Variants in FREM1 observed in about 807,000 individuals in gnomAD.
FREM1 encodes the protein FRAS1 related extracellular matrix 1.
In FREM1, 220 loss-of-function variants were observed where a neutral mutation model predicts 210.1. That is an observed-to-expected ratio of 1.05 (90% CI 0.94 to 1.17). The LOEUF is 1.17. Ranked by LOEUF, FREM1 falls within the 50% of genes most tolerant of loss-of-function variation. The probability of loss-of-function intolerance (pLI) is 0.00; values close to 1 mark genes in which losing one functional copy is unlikely to be tolerated. For synonymous variants in FREM1, 1,189 were observed against 980.2 expected (o/e 1.21, Z -3.98); for missense variants, 3,454 against 2,675.5 (o/e 1.29, Z -6.42).
At chr9:14,851,668 G>A in intron 5 of FREM1, 61 bp from the exon 6 acceptor site, 1 of 1,221,440 alleles carries the variant, frequency 8.2e-7, no homozygotes. Context: ...ATATCATACA[G>A]GGCTAATAGC....
chr9:14,855,675 G>C (rs1015896945), intron 5 of FREM1, among the ~76,000 whole-genome samples: 3 of 151,600 alleles, frequency 2.0e-5, no homozygotes, highest in African/African-American at 7.3e-5. Flanking sequence ...TCTCTGCAGT[G>C]AGCCTATTAC....
At position 14,746,390 on chromosome 9, in the gene FREM1, C is replaced by A. The variant is rs373968346; in HGVS notation, c.6217G>T (p.Gly2073Cys). Residue 2073 changes from glycine to cysteine, a missense_variant, in exon 35 of 37, where the codon GGC becomes TGC. Gly to Cys is a radical substitution (Grantham distance 159). Transcript: ENST00000380880. ...GCTTGGGCAGCCGCATTCCAGGTGC[C>A]TTTCTGCTCTGTGATCAAGATGTGA... The part of the protein sequence containing the change: ...YCHILITEQK[G>C]TWNAAAQACR... 2 of 1,613,726 alleles carry A rather than the reference C, an allele frequency of 1.2e-6. No homozygotes were observed. The highest frequency in any genetic ancestry group is 2.7e-5 in the African/African-American group (2 of 74,928).
At chr9:14,867,745 G>A (rs1334727028) in intron 2 of FREM1, among the ~76,000 whole-genome samples, 1 of 152,120 alleles carries the variant, frequency 6.6e-6, no homozygotes, top group East Asian at 1.9e-4. Context: ...AAAGAGAATG[G>A]TCCATTTTTC....
Position 14,848,753 on chromosome 9 carries a change from G to A in FREM1, c.1173C>T (p.Asp391=), listed in dbSNP as rs575611616. Residue 391 remains aspartate, a synonymous_variant, in exon 7 of 37, where the codon GAC becomes GAT. Coordinates refer to ENST00000380880, the MANE Select transcript of FREM1 (RefSeq NM_001379081.2). ...TAGGTGCACTCCTTTCAAAGAAGAAGTCGTATACCTCCAATTCTACCTGTA... is the reference window on the plus strand; with the variant it reads ...TAGGTGCACTCCTTTCAAAGAAGAAATCGTATACCTCCAATTCTACCTGTA... ...RHDEVELEVY[D]FFFERSAPMT... is the part of the protein sequence containing the mutation. 9.3e-5 allele frequency: 150 copies of A among 1,610,632 alleles called. 2 individuals carry two copies. In the South Asian group the frequency reaches 1.5e-3, roughly 16 times the overall value.
chr9:14,759,720 C>A (rs1334017937), intron 28 of FREM1, 52 bp downstream of exon 28: 1 of 1,453,370 alleles, frequency 6.9e-7, no homozygotes, highest in Non-Finnish European at 9.2e-7. Context: ...ATGAAAGACA[C>A]CAAAGAACAA....
intron 2 of FREM1, among the ~76,000 whole-genome samples, chr9:14,865,018 C>T (rs909205950): frequency 2.6e-5 from 4 of 152,108 alleles, no homozygotes; most frequent in Admixed American, 6.5e-5. Context: ...TTATAAAAGG[C>T]GACAACCATA....
chr9:14,877,509 C>T (rs1833989907), intron 1 of FREM1, among the ~76,000 whole-genome samples: 2 of 151,406 alleles, frequency 1.3e-5, no homozygotes, highest in African/African-American at 4.9e-5. Flanking sequence ...CCAAAAGTTC[C>T]TTCCCCTTGA....
chr9:14,823,955 A>G (rs1265645192), intron 12 of FREM1, 70 bp downstream of exon 12: 1 of 850,608 alleles, frequency 1.2e-6, no homozygotes, highest in East Asian at 2.7e-5. Flanking sequence ...CAGGCACAAT[A>G]CTAGGCATGC....
intron 5 of FREM1, among the ~76,000 whole-genome samples, chr9:14,853,323 G>A (rs1054252001): frequency 6.6e-6 from 1 of 152,146 alleles, no homozygotes; most frequent in Admixed American, 6.5e-5. Context: ...GGATCTCCTG[G>A]ACCCTGAACT....
Position 14,843,372 on chromosome 9 carries a change from G to A in FREM1, c.1394-712C>T, listed in dbSNP as rs1300845688. On this transcript the variant is annotated intron_variant, in intron 8 of 36. Coordinates refer to ENST00000380880, the MANE Select transcript of FREM1 (RefSeq NM_001379081.2). Reference sequence around the variant, plus strand: ...TACACCATCAGCTTCCCTGGTTCTCGGGCCTTCAGACTAATACCCATGACT... The same window carrying A: ...TACACCATCAGCTTCCCTGGTTCTCAGGCCTTCAGACTAATACCCATGACT... Among the ~76,000 whole-genome samples the A allele has an allele frequency of 3.3e-5, 5 of 152,056 alleles. No individual in the cohort carries two copies. In the South Asian group the frequency reaches 6.2e-4, roughly 19 times the overall value.
chr9:14,872,770 G>C (rs1442671715), intron 1 of FREM1, among the ~76,000 whole-genome samples: 1 of 151,572 alleles, frequency 6.6e-6, no homozygotes, highest in Non-Finnish European at 1.5e-5. Context: ...AATGCTTCCA[G>C]TTTTTGCCCA....
intron 21 of FREM1, among the ~76,000 whole-genome samples, chr9:14,795,665 GGC>G (rs1852236116): frequency 6.6e-6 from 1 of 152,158 alleles, no homozygotes; most frequent in Admixed American, 6.5e-5. Context: ...ACAAGAGCAT[GGC>G]CTTTGGAGTC....
At chr9:14,739,449 AATATATATAT>A (rs56320339) in intron 36 of FREM1, among the ~76,000 whole-genome samples, 27 of 132,364 alleles carry the variant, frequency 2.0e-4, no homozygotes, top group African/African-American at 5.6e-4. Flanking sequence ...AATTATTTGG[AATATATATAT>A]ATATATATAT....
rs1422818016 is a variant in FREM1 at position 14,749,159 on chromosome 9, T to C, written c.5558-520A>G. ...CGGCTCCTATTGGAAACCTCACCAATTAGTATTTCTGGGAAGGCATAAAAA... is the reference window on the plus strand; with the variant it reads ...CGGCTCCTATTGGAAACCTCACCAACTAGTATTTCTGGGAAGGCATAAAAA... On this transcript the variant is annotated intron_variant, in intron 30 of 36. Coordinates refer to ENST00000380880, the MANE Select transcript of FREM1 (RefSeq NM_001379081.2). 2.0e-5 allele frequency among the ~76,000 whole-genome samples: 3 copies of C among 152,160 alleles called. No homozygotes were observed. The East Asian group carries it at 5.8e-4, about 29-fold the overall frequency.
At chr9:14,750,006 C>T in intron 30 of FREM1, 121 bp downstream of exon 30, 1 of 1,040,334 alleles carries the variant, frequency 9.6e-7, no homozygotes, top group Non-Finnish European at 1.4e-6. Flanking sequence ...ACTGAGGGTG[C>T]TTTCTTGACA....
intron 26 of FREM1, among the ~76,000 whole-genome samples, chr9:14,770,077 T>C (rs943969864): frequency 6.6e-6 from 1 of 152,038 alleles, no homozygotes; most frequent in Non-Finnish European, 1.5e-5. Flanking sequence ...TTCAGAAATA[T>C]TTGCCTTAAA....
chr9:14,827,943 G>C lies in FREM1; in HGVS notation c.1882-2951C>G, dbSNP rs146347581. Among the ~76,000 whole-genome samples, 652 of 152,350 alleles carry C rather than the reference G, an allele frequency of 4.3e-3. 4 individuals are homozygous for C. Among genetic ancestry groups the C allele is most frequent in the African/African-American group, 0.013 (538 of 41,584 alleles). On this transcript the variant is annotated intron_variant, in intron 10 of 36. Coordinates refer to ENST00000380880, the MANE Select transcript of FREM1 (RefSeq NM_001379081.2). ...CTTGGCACAAATACCAACTCTGCTTGTGTGCAGAGTGCAAGAGCTGTGAAA... is the reference window on the plus strand; with the variant it reads ...CTTGGCACAAATACCAACTCTGCTTCTGTGCAGAGTGCAAGAGCTGTGAAA...
Position 14,801,791 on chromosome 9 carries a change from G to A in FREM1, c.3555C>T (p.Phe1185=). 3 of 1,613,946 alleles carry A rather than the reference G, an allele frequency of 1.9e-6. No homozygotes were observed. Among genetic ancestry groups the A allele is most frequent in the Non-Finnish European group, 2.5e-6 (3 of 1,179,862 alleles). ...CATGGCGTGGCTTTTGAGTGATGCT[G>A]AACAGCAGGGCATCCTGGGGAATGT... is the stretch of plus-strand genomic sequence containing the variant. ...DLDIPQDALL[F]SITQKPRHGL... Residue 1185 remains phenylalanine, a synonymous_variant, in exon 20 of 37, where the codon TTC becomes TTT. Coordinates refer to ENST00000380880, the MANE Select transcript of FREM1 (RefSeq NM_001379081.2).
rs1190811086 is a variant in FREM1 at position 14,757,232 on chromosome 9, C to T, written c.5335-786G>A. On this transcript the variant is annotated intron_variant, in intron 28 of 36. Coordinates refer to ENST00000380880, the MANE Select transcript of FREM1 (RefSeq NM_001379081.2). ...CGCTCTGAAGTCATGGCCTTGAATTCCACCCAAAGGGTGCCCAAACACATG... is the reference window on the plus strand; with the variant it reads ...CGCTCTGAAGTCATGGCCTTGAATTTCACCCAAAGGGTGCCCAAACACATG... Among the ~76,000 whole-genome samples, 10 of 152,288 alleles carry T rather than the reference C, an allele frequency of 6.6e-5. No homozygotes were observed. In the South Asian group the frequency reaches 2.1e-3, roughly 32 times the overall value.
Sources: allele counts gnomAD v4.1 joint callset (sites outside exome capture counted in the v4.1 genomes callset), GRCh38; gene constraint gnomAD v4.1.1; transcripts MANE v1.5; gene names NCBI Gene and HGNC (gene_info 2026-07-23, HGNC 2026-07-21).